BRD10: variants seen among roughly 807,000 people sequenced by gnomAD.
The protein encoded by BRD10 is bromodomain containing 10.
chr9:5,951,389 T>C, the BRD10 span, among the ~76,000 whole-genome samples: 2 of 152,090 alleles, frequency 1.3e-5, no homozygotes, highest in Admixed American at 6.5e-5. Flanking sequence ...ATGCTTTCTG[T>C]CAATTTAAAG....
chr9:5,968,020 A>G, the BRD10 span: 1 of 1,497,072 alleles, frequency 6.7e-7, no homozygotes, highest in Non-Finnish European at 8.9e-7. Flanking sequence ...TTAGCTTACC[A>G]GATTTGTGCT....
the BRD10 span, among the ~76,000 whole-genome samples, chr9:5,994,854 T>A: frequency 6.6e-6 from 1 of 151,992 alleles, no homozygotes; most frequent in African/African-American, 2.4e-5. Context: ...GGTGGTCAAC[T>A]CCCTCTTTCA....
At chr9:5,883,048 T>C in the BRD10 span, among the ~76,000 whole-genome samples, 60 of 152,224 alleles carry the variant, frequency 3.9e-4, no homozygotes, top group East Asian at 8.5e-3. Flanking sequence ...TTAGGAGATA[T>C]ACCTAATGTA....
the BRD10 span, among the ~76,000 whole-genome samples, chr9:5,969,603 A>G: frequency 6.0e-3 from 917 of 152,186 alleles, 12 homozygotes; most frequent in African/African-American, 0.021. Flanking sequence ...TAGTGCAGTG[A>G]TGCAATCTCA....
the BRD10 span, chr9:5,923,327 G>A: frequency 4.1e-5 from 63 of 1,548,288 alleles, no homozygotes; most frequent in Non-Finnish European, 5.3e-5. Flanking sequence ...TTATAAAAAC[G>A]GGCATTTTGT....
At chr9:5,920,642 G>C in the BRD10 span, 2 of 1,614,016 alleles carry the variant, frequency 1.2e-6, no homozygotes, top group Non-Finnish European at 1.7e-6. Flanking sequence ...GAACTGGAGT[G>C]AAGTCCGAGA....
chr9:5,904,911 C>T, the BRD10 span, among the ~76,000 whole-genome samples: 137 of 151,946 alleles, frequency 9.0e-4, 1 homozygote, highest in Non-Finnish European at 1.4e-3. Context: ...GTAGCTGGGA[C>T]TACAGGTGCC....
the BRD10 span, chr9:5,908,787 T>G: frequency 7.2e-7 from 1 of 1,392,990 alleles, no homozygotes; most frequent in Non-Finnish European, 1.0e-6. Flanking sequence ...CATCTAATGT[T>G]CTCCTTTGGA....
chr9:5,924,918 A>G, the BRD10 span: 3 of 1,060,076 alleles, frequency 2.8e-6, no homozygotes, highest in Non-Finnish European at 2.6e-6. Flanking sequence ...AACTTTTAAC[A>G]TTTTAAACTA....
At chr9:5,919,698 T>C in the BRD10 span, 3 of 1,609,538 alleles carry the variant, frequency 1.9e-6, no homozygotes, top group Non-Finnish European at 2.5e-6. Flanking sequence ...GATGCAGCTC[T>C]GTCAGGCTTC....
chr9:5,904,346 C>G, the BRD10 span, among the ~76,000 whole-genome samples: 1 of 151,110 alleles, frequency 6.6e-6, no homozygotes, highest in South Asian at 2.1e-4. Flanking sequence ...CATATTGTTA[C>G]TGTTTTCTAC....
chr9:5,991,330 C>G, the BRD10 span, among the ~76,000 whole-genome samples: 1 of 152,116 alleles, frequency 6.6e-6, no homozygotes, highest in South Asian at 2.1e-4. Context: ...AGTTCAAACT[C>G]TCATCTAGAC....
chr9:5,918,463 A>G, the BRD10 span, among the ~76,000 whole-genome samples: 1 of 152,120 alleles, frequency 6.6e-6, no homozygotes, highest in Non-Finnish European at 1.5e-5. Context: ...TGCCTGTAAT[A>G]CCAGCACTTT....
chr9:5,965,352 G>C, the BRD10 span, among the ~76,000 whole-genome samples: 4 of 151,954 alleles, frequency 2.6e-5, no homozygotes, highest in African/African-American at 7.2e-5. Flanking sequence ...AAATTAAGCA[G>C]TTTTCTTTTC....
the BRD10 span, among the ~76,000 whole-genome samples, chr9:5,981,070 T>C: frequency 6.6e-6 from 1 of 152,248 alleles, no homozygotes; most frequent in Non-Finnish European, 1.5e-5. Flanking sequence ...GGTATTAGAT[T>C]GACAGATTAG....
chr9:5,920,380 A>C, the BRD10 span: 13 of 1,613,934 alleles, frequency 8.1e-6, no homozygotes, highest in Non-Finnish European at 1.1e-5. Flanking sequence ...TTTTTTGCTG[A>C]ATACAAGGTT....
chr9:5,922,556 G>T, the BRD10 span: 1 of 1,613,830 alleles, frequency 6.2e-7, no homozygotes, highest in African/African-American at 1.3e-5. Context: ...TGCTAAAGAA[G>T]AATTTATATT....
the BRD10 span, among the ~76,000 whole-genome samples, chr9:5,937,565 C>T: frequency 3.3e-5 from 5 of 152,078 alleles, no homozygotes; most frequent in Non-Finnish European, 7.4e-5. Context: ...GAAAAAGAAA[C>T]ACTAGAAAGC....
chr9:5,893,312 G>A, the BRD10 span, among the ~76,000 whole-genome samples: 1 of 152,104 alleles, frequency 6.6e-6, no homozygotes, highest in Non-Finnish European at 1.5e-5. Context: ...GGCAGGGGAG[G>A]CCCCACCCTC....
Sources: allele counts gnomAD v4.1 joint callset (sites outside exome capture counted in the v4.1 genomes callset), GRCh38; gene constraint gnomAD v4.1.1; transcripts MANE v1.5; gene names NCBI Gene and HGNC (gene_info 2026-07-23, HGNC 2026-07-21).